Variants in CHST10 observed in about 807,000 individuals in gnomAD.
CHST10 encodes the protein carbohydrate sulfotransferase 10, also known as HNK-1 sulfotransferase.
In CHST10, 24 loss-of-function variants were observed where a neutral mutation model predicts 34.7. The observed-to-expected ratio is 0.69, with a 90% CI of 0.50 to 0.97. The LOEUF (loss-of-function observed/expected upper bound fraction) is 0.97, where lower values mean the gene tolerates loss of function less well. Among genes scored for constraint, CHST10 ranks in the 50% least tolerant of loss-of-function variants. The probability of loss-of-function intolerance (pLI) is 0.00; values close to 1 mark genes in which losing one functional copy is unlikely to be tolerated. For synonymous variants in CHST10, 161 were observed against 169.3 expected, an observed-to-expected ratio of 0.95 and a Z score of 0.38; for missense variants, 402 against 452.1, an observed-to-expected ratio of 0.89 and a Z score of 1.00.
intron 3 of CHST10, among the ~76,000 whole-genome samples, chr2:100,406,056 C>T (rs1190579646): frequency 6.6e-6 from 1 of 152,218 alleles, no homozygotes; most frequent in Non-Finnish European, 1.5e-5. Flanking sequence ...CCGTCCTCAT[C>T]TGAATGCCTA....
At chr2:100,406,421 T>A (rs916230230) in intron 3 of CHST10, among the ~76,000 whole-genome samples, 155 bp downstream of exon 3, 1 of 151,958 alleles carries the variant, frequency 6.6e-6, no homozygotes, top group African/African-American at 2.4e-5. Flanking sequence ...CACACCTCTG[T>A]AACATGAAGG....
intron 5 of CHST10, among the ~76,000 whole-genome samples, chr2:100,397,300 G>GC: frequency 6.6e-6 from 1 of 152,254 alleles, no homozygotes; most frequent in Non-Finnish European, 1.5e-5. Flanking sequence ...AGGTTACTTT[G>GC]TGATGATCTA....
At position 100,393,352 on chromosome 2, in the gene CHST10, G is replaced by C; in HGVS notation, c.964C>G (p.His322Asp). The change falls in exon 7 of 7, where the codon CAC becomes GAC. Residue 322 changes from histidine (H) to aspartate (D), a missense_variant. Coordinates refer to ENST00000264249, the MANE Select transcript of CHST10 (RefSeq NM_004854.5). Reference sequence around the variant, plus strand: ...CGTTTGCTGATGCCCAGGAAATAGTGCTCCACCTTGGTTCTGTTATACACG... The same window carrying C: ...CGTTTGCTGATGCCCAGGAAATAGTCCTCCACCTTGGTTCTGTTATACACG... ...ITVYNRTKVE[H>D]YFLGISKRDI... The C allele has an allele frequency of 6.2e-7, 1 of 1,614,162 alleles. No individual in the cohort carries two copies. Among genetic ancestry groups the C allele is most frequent in the Non-Finnish European group, 8.5e-7 (1 of 1,180,036 alleles).
chr2:100,403,079 C>A (rs1573186169), intron 3 of CHST10, among the ~76,000 whole-genome samples: 1 of 152,096 alleles, frequency 6.6e-6, no homozygotes, highest in South Asian at 2.1e-4. Context: ...TATAAAGAAT[C>A]CTCAAACTCA....
At chr2:100,417,305 CGTGCGCCCCGCGGCGG>C (rs1676107774) in intron 1 of CHST10, 53 bp downstream of exon 1, 4 of 344,906 alleles carry the variant, frequency 1.2e-5, no homozygotes, top group African/African-American at 8.6e-5. Context: ...CCGGTTTTTC[CGTGCGCCCCGCGGCGG>C]GGAGAGGGGC....
Position 100,398,003 on chromosome 2 carries a change from T to C in CHST10, c.332A>G (p.Asp111Gly). ...SHTPVSKFVL[D>G]RIFVCDKHKI... ...GTGCTTGTCACAGACAAATATTCGG[T>C]CCAGGACAAACTTGGAGACAGGAGT... Residue 111 changes from aspartate to glycine, a missense_variant, in exon 5 of 7, where the codon GAC becomes GGC. Transcript: ENST00000264249. 1 of 1,614,174 alleles carries C rather than the reference T, an allele frequency of 6.2e-7. No individual in the cohort carries two copies. The highest frequency in any genetic ancestry group is 8.5e-7 in the Non-Finnish European group (1 of 1,180,046).
chr2:100,405,860 C>T (rs943199640), intron 3 of CHST10, among the ~76,000 whole-genome samples: 1 of 152,172 alleles, frequency 6.6e-6, no homozygotes, highest in Non-Finnish European at 1.5e-5. Flanking sequence ...GCATATCACA[C>T]ACCTCTTTGG....
chr2:100,411,548 A>T (rs557129337), intron 2 of CHST10, among the ~76,000 whole-genome samples: 2 of 152,354 alleles, frequency 1.3e-5, no homozygotes, highest in East Asian at 3.9e-4. Flanking sequence ...ACAGTTTACA[A>T]AATACAGCAC....
chr2:100,406,818 G>A (rs563716212), intron 2 of CHST10, 111 bp from the exon 3 acceptor site: 336 of 1,358,146 alleles, frequency 2.5e-4, no homozygotes, highest in African/African-American at 5.7e-4. Flanking sequence ...AAATATTTCC[G>A]TTTTTTTCCA....
At chr2:100,403,917 C>T (rs1675450538) in intron 3 of CHST10, among the ~76,000 whole-genome samples, 1 of 152,228 alleles carries the variant, frequency 6.6e-6, no homozygotes, top group Non-Finnish European at 1.5e-5. Context: ...CTCTCTAAAG[C>T]ACAGTGCTGG....
rs780052118 is a variant in CHST10, at chr2:100,395,535, G to A, written c.507C>T (p.Ser169=). ...HEKNGLPRLS[S]FSDAEIQKRL... ...GCTTCTGAATTTCTGCATCACTGAA[G>A]GAAGAGAGCCGAGGAAGGCCGTTCT... The change falls in exon 6 of 7, where the codon TCC becomes TCT. Residue 169 remains serine, a synonymous_variant. Coordinates refer to ENST00000264249, the MANE Select transcript of CHST10 (RefSeq NM_004854.5). 8 of 1,613,760 alleles carry A rather than the reference G, an allele frequency of 5.0e-6. No individual in the cohort carries two copies. The East Asian group carries it at 1.1e-4, about 22-fold the overall frequency.
Position 100,417,556 on chromosome 2 carries a change from G to GGCGGCA in CHST10, c.-292_-287dup, listed in dbSNP as rs1676121726. 1 of 151,840 alleles carries GGCGGCA rather than the reference G, an allele frequency of 6.6e-6. No individual in the cohort carries two copies. Among genetic ancestry groups the GGCGGCA allele is most frequent in the African/African-American group, 2.4e-5 (1 of 41,392 alleles). 9.4% of individuals were successfully genotyped at this position (151,840 alleles called of 1,614,324 possible). ...CCGTCGGGTCCCGGGATGTGGCGGC[G>GGCGGCA]GCGGCAGCGGAAGTAAGGAAGACGC... On this transcript the variant is annotated 5_prime_UTR_variant, in exon 1 of 7. Transcript: ENST00000264249.
At position 100,406,597 on chromosome 2, in the gene CHST10, A is replaced by G. The variant is rs1404650874; in HGVS notation, c.79T>C (p.Leu27=). ...MFMVASKFIT[L]TFKDPDVYSA... is the part of the protein sequence containing the mutation. ...GTACCATCTGGGTCTTTAAAGGTCA[A>G]CGTGATGAACTTGCTAGCCACCATG... Residue 27 remains leucine (L), a synonymous_variant, in exon 3 of 7, where the codon TTG becomes CTG. Coordinates refer to ENST00000264249, the MANE Select transcript of CHST10 (RefSeq NM_004854.5). 1 of 1,614,234 alleles carries G rather than the reference A, an allele frequency of 6.2e-7. No homozygotes were observed. Among genetic ancestry groups the G allele is most frequent in the Non-Finnish European group, 8.5e-7 (1 of 1,180,050 alleles).
chr2:100,393,840 G>T, intron 6 of CHST10, 58 bp from the exon 7 acceptor site: 1 of 1,401,482 alleles, frequency 7.1e-7, no homozygotes. Flanking sequence ...ACAGCTGAGG[G>T]GGCGGGAGAG....
rs145184612 is a variant in CHST10 at position 100,393,050 on chromosome 2, G to T, written c.*195C>A. ...CGCAGGGGTGTGGGCAGGGTCCTCAGAGCATCTTACATCCAAACTAAGTTG... is the reference window on the plus strand; with the variant it reads ...CGCAGGGGTGTGGGCAGGGTCCTCATAGCATCTTACATCCAAACTAAGTTG... On this transcript the variant is annotated 3_prime_UTR_variant, in exon 7 of 7. Coordinates refer to ENST00000264249, the MANE Select transcript of CHST10 (RefSeq NM_004854.5). The T allele has an allele frequency of 3.7e-4, 229 of 618,544 alleles. No individual in the cohort carries two copies. In the East Asian group the frequency reaches 6.3e-3, roughly 17 times the overall value. 38.3% of individuals were successfully genotyped at this position (618,544 alleles called of 1,614,324 possible). A position where few individuals can be genotyped will look rare whatever the true frequency, so the allele number is the denominator to read the frequency against.
intron 2 of CHST10, chr2:100,408,007 C>A (rs1014822821): frequency 1.3e-5 from 2 of 152,016 alleles, no homozygotes; most frequent in South Asian, 4.2e-4. Context: ...CTTATACTCC[C>A]CCCCAAAACC....
At chr2:100,397,785 C>A (rs4149517) in intron 5 of CHST10, 123 bp downstream of exon 5, 389,526 of 713,312 alleles carry the variant, frequency 0.55, 109,657 homozygotes, top group East Asian at 0.78. Context: ...CCTGTCTGGA[C>A]GGCCACCAGT....
chr2:100,397,877 C>A, intron 5 of CHST10, 31 bp downstream of exon 5: 1 of 1,564,402 alleles, frequency 6.4e-7, no homozygotes, highest in South Asian at 1.2e-5. Context: ...CAAGACCCTT[C>A]CCAGTGGACA....
At chr2:100,405,660 G>A (rs561980778) in intron 3 of CHST10, among the ~76,000 whole-genome samples, 1 of 152,282 alleles carries the variant, frequency 6.6e-6, no homozygotes, top group Non-Finnish European at 1.5e-5. Context: ...GGCCACCATC[G>A]GCAGGAGGAC....
Sources: gnomAD v4.1 joint callset for allele counts (sites outside exome capture counted in the v4.1 genomes callset) on GRCh38, gnomAD v4.1.1 for gene constraint, MANE v1.5 for transcripts, NCBI Gene and HGNC (gene_info 2026-07-23, HGNC 2026-07-21) for gene names.